The following ANKRD24 variants were observed in gnomAD, a reference collection of about 807,000 sequenced individuals.
The protein encoded by ANKRD24 is ankyrin repeat domain 24.
A neutral mutation model predicts 127.8 loss-of-function variants in ANKRD24; 109 were observed. The ratio of observed to expected loss-of-function variants is 0.85; its 90% CI spans 0.73 to 1.00. ANKRD24 has a LOEUF of 1.00. Ranked by LOEUF, ANKRD24 falls within the 50% of genes least tolerant of loss-of-function variation. The pLI, the probability that ANKRD24 is intolerant of heterozygous loss-of-function variation, is 0.00. For missense variants in ANKRD24, 1,648 were observed against 1,570.2 expected (o/e 1.05, Z -0.84); for synonymous variants, 743 against 671.1 (o/e 1.11, Z -1.66).
Position 4,198,413 on chromosome 19 carries a change from C to G in ANKRD24, c.37-1270C>G. ...CGCCCAGCCCCGCCCTCCGGCCGCT[C>G]CCCGCGGTCCCTCCAGACCCTCTGG... is the stretch of plus-strand genomic sequence containing the variant. On this transcript the variant is annotated intron_variant, in intron 2 of 21. Coordinates refer to ENST00000318934, the MANE Select transcript of ANKRD24 (RefSeq NM_001393985.1). This position sits in a 1 kb window ranked among gnomAD's most constrained non-coding sequence, Gnocchi z 6.1. 2.1e-6 allele frequency: 1 copy of G among 484,720 alleles called. No homozygotes were observed. The highest frequency in any genetic ancestry group is 3.7e-6 in the Non-Finnish European group (1 of 273,140). 30.0% of individuals were successfully genotyped at this position (484,720 alleles called of 1,614,324 possible). A position where few individuals can be genotyped will look rare whatever the true frequency, so the allele number is the denominator to read the frequency against.
In ANKRD24 at chr19:4,199,770, G is replaced by C; in HGVS notation, c.123+1G>C. 3 of 1,536,674 alleles carry C rather than the reference G, an allele frequency of 2.0e-6. No individual in the cohort carries two copies. The highest frequency in any genetic ancestry group is 2.6e-6 in the Non-Finnish European group (3 of 1,143,544). On this transcript the variant is annotated splice_donor_variant, in intron 3 of 21. Transcript: ENST00000318934. LOFTEE classifies it high-confidence loss of function. The surrounding 1 kb of genome is among the most constrained non-coding windows in gnomAD (Gnocchi z 5.2). ...GCCGGCAGCCAGAGGCAGGCGCCAG[G>C]CAAGTGCCCAGGGGCAGGTGGTGAG...
Position 4,217,185 on chromosome 19 carries a change from G to T in ANKRD24, c.2025G>T (p.Thr675=), listed in dbSNP as rs762919887. 2.5e-6 allele frequency: 4 copies of T among 1,610,038 alleles called. No homozygotes were observed. In the Admixed American group the frequency reaches 5.1e-5, roughly 20 times the overall value. ...CAGGGACCACAAACATGGAGGCCAC[G>T]GGCTCTAGGGCCACAGGGATGGAAT... ...PVTGTTNMEA[T]GSRATGMEST... Residue 675 remains threonine (T), a synonymous_variant, in exon 18 of 22, where the codon ACG becomes ACT. Transcript: ENST00000318934.
In ANKRD24 at chr19:4,222,667, C is replaced by T. The variant is rs770421858; in HGVS notation, c.3172-3C>T. 14 of 1,599,280 alleles carry T rather than the reference C, an allele frequency of 8.8e-6. No individual in the cohort carries two copies. The highest frequency in any genetic ancestry group is 1.2e-5 in the Non-Finnish European group (14 of 1,168,794). On this transcript the variant is annotated splice_polypyrimidine_tract_variant and splice_region_variant and intron_variant, in intron 19 of 21. Coordinates refer to ENST00000318934, the MANE Select transcript of ANKRD24 (RefSeq NM_001393985.1). ...TGATCGCTGACAGCACCTGCACCCT[C>T]AGATCACAGAACTCTCCAAAGAAGT...
chr19:4,185,385 G>T (rs190536145), intron 1 of ANKRD24, among the ~76,000 whole-genome samples: 1 of 152,054 alleles, frequency 6.6e-6, no homozygotes, highest in Non-Finnish European at 1.5e-5. Flanking sequence ...TGGTAAATGC[G>T]TGGAAGGGTG....
At chr19:4,213,063 G>A (rs1054329017) in intron 15 of ANKRD24, among the ~76,000 whole-genome samples, 12 of 151,960 alleles carry the variant, frequency 7.9e-5, no homozygotes, top group African/African-American at 1.7e-4. Flanking sequence ...CCCGGGAGGC[G>A]TAGTCTGCAG....
chr19:4,207,692 C>G (rs1198373300), intron 9 of ANKRD24, 85 bp downstream of exon 9: 4 of 1,594,406 alleles, frequency 2.5e-6, no homozygotes, highest in Non-Finnish European at 3.4e-6. Flanking sequence ...TCTAGCCAGC[C>G]TCCTCTTCCC....
At chr19:4,200,288 T>G in intron 5 of ANKRD24, 117 bp downstream of exon 5, 1 of 1,137,070 alleles carries the variant, frequency 8.8e-7, no homozygotes, top group Non-Finnish European at 1.2e-6. Flanking sequence ...AAGGGGAGGC[T>G]CCCTCTGGTG....
rs1382464138 is a variant in ANKRD24, at chr19:4,222,114, C to T, written c.3172-556C>T. ...ACTAAGTTAAGAACTATTGGCCGGG[C>T]GCGGTGGCTCACGCCTGTAATCCCA... On this transcript the variant is annotated intron_variant, in intron 19 of 21. Transcript: ENST00000318934. 5.9e-5 allele frequency among the ~76,000 whole-genome samples: 9 copies of T among 152,302 alleles called. No individual in the cohort carries two copies. In the East Asian group the frequency reaches 9.6e-4, roughly 16 times the overall value.
At chr19:4,213,134 C>G (rs1002556372) in intron 15 of ANKRD24, among the ~76,000 whole-genome samples, 1 of 151,862 alleles carries the variant, frequency 6.6e-6, no homozygotes, top group Non-Finnish European at 1.5e-5. Context: ...CAGTCTCAAA[C>G]AAACAAACAG....
At chr19:4,223,399 A>ATTTTTTTT (rs1248797551) in intron 20 of ANKRD24, among the ~76,000 whole-genome samples, 3 of 56,398 alleles carry the variant, frequency 5.3e-5, no homozygotes, top group African/African-American at 2.3e-4. Context: ...ATATATATAT[A>ATTTTTTTT]TATTTTTTTT....
At position 4,217,443 on chromosome 19, in the gene ANKRD24, A is replaced by G. The variant is rs761481579; in HGVS notation, c.2283A>G (p.Ala761=). Residue 761 remains alanine, a synonymous_variant, in exon 18 of 22, where the codon GCA becomes GCG. Transcript: ENST00000318934. ...LGKCEAAEAE[A]GRLRERVREA... ...AGTGCGAGGCCGCGGAGGCCGAGGC[A>G]GGCCGGCTGCGAGAGCGTGTCCGCG... The G allele has an allele frequency of 1.1e-4, 170 of 1,526,574 alleles. No individual in the cohort carries two copies. In the African/African-American group the frequency reaches 2.0e-3, roughly 18 times the overall value. 94.6% of individuals were successfully genotyped at this position (1,526,574 alleles called of 1,614,324 possible). A position where few individuals can be genotyped will look rare whatever the true frequency, so the allele number is the denominator to read the frequency against.
chr19:4,209,149 C>T (rs1435330246), intron 11 of ANKRD24, among the ~76,000 whole-genome samples: 1 of 152,032 alleles, frequency 6.6e-6, no homozygotes, highest in African/African-American at 2.4e-5. Context: ...CTCACTCTGT[C>T]GCCCAGGCTG....
chr19:4,189,545 C>A (rs531383711), intron 2 of ANKRD24, among the ~76,000 whole-genome samples: 2 of 143,460 alleles, frequency 1.4e-5, no homozygotes, highest in African/African-American at 2.5e-5. Flanking sequence ...AGCCACCATG[C>A]CCGGCCCTAA....
intron 7 of ANKRD24, among the ~76,000 whole-genome samples, chr19:4,206,357 A>T (rs921486272): frequency 2.6e-5 from 4 of 151,346 alleles, no homozygotes; most frequent in African/African-American, 7.3e-5. Flanking sequence ...AGAATTAGCC[A>T]GGAGTGGTGG....
rs893406327 is a variant in ANKRD24, at chr19:4,207,916, ACT to A, written c.782_783del (p.Leu261HisfsTer22). 3 of 1,553,208 alleles carry A rather than the reference ACT, an allele frequency of 1.9e-6. No individual in the cohort carries two copies. The highest frequency in any genetic ancestry group is 1.7e-6 in the Non-Finnish European group (2 of 1,151,506). On this transcript the variant is annotated frameshift_variant, in exon 10 of 22. Coordinates refer to ENST00000318934, the MANE Select transcript of ANKRD24 (RefSeq NM_001393985.1). LOFTEE classifies it high-confidence loss of function. The part of the protein sequence containing the change: ...AHYGALAGDK[L>X]ILHLLQEAAQ... The stretch of plus-strand genomic sequence containing the variant: ...ACTATGGCGCCCTGGCGGGGGACAA[ACT>A]CATCCTGCACCTTCTGCAAGAGGCG...
chr19:4,186,845 A>G (rs538989672), intron 2 of ANKRD24, among the ~76,000 whole-genome samples: 5 of 152,300 alleles, frequency 3.3e-5, no homozygotes, highest in Admixed American at 2.6e-4. Context: ...TGTACTCAGC[A>G]CATATTTATA....
At chr19:4,223,405 T>TA (rs1970570757) in intron 20 of ANKRD24, among the ~76,000 whole-genome samples, 1 of 103,824 alleles carries the variant, frequency 9.6e-6, no homozygotes. Flanking sequence ...ATATATATTT[T>TA]TTTTTTTTTT....
At chr19:4,190,733 G>A (rs1464699782) in intron 2 of ANKRD24, among the ~76,000 whole-genome samples, 1 of 152,134 alleles carries the variant, frequency 6.6e-6, no homozygotes, top group Non-Finnish European at 1.5e-5. Context: ...GCGAGACTCC[G>A]TCTCAAAAAA....
intron 20 of ANKRD24, among the ~76,000 whole-genome samples, chr19:4,223,545 C>A (rs1325525192): frequency 6.6e-6 from 1 of 150,842 alleles, no homozygotes; most frequent in Non-Finnish European, 1.5e-5. Flanking sequence ...CTAGCTGGGA[C>A]TACAGGTGTG....
Sources: gnomAD v4.1 joint callset for allele counts (sites outside exome capture counted in the v4.1 genomes callset) on GRCh38, gnomAD v4.1.1 for gene constraint, Gnocchi (gnomAD v3.1) non-coding constraint, MANE v1.5 for transcripts, NCBI Gene and HGNC (gene_info 2026-07-23, HGNC 2026-07-21) for gene names.